LRRC37A2: variants seen among roughly 807,000 people sequenced by gnomAD.
LRRC37A2 encodes the protein leucine-rich repeat-containing protein 37A2.
In LRRC37A2, 9 loss-of-function variants were observed where a neutral mutation model predicts 68.8. That is an observed-to-expected ratio of 0.13 (90% confidence interval 0.08 to 0.23). The LOEUF (loss-of-function observed/expected upper bound fraction) is 0.23, where lower values mean the gene tolerates loss of function less well. Ranked by LOEUF, LRRC37A2 falls within the 10% of genes least tolerant of loss-of-function variation. LRRC37A2 has a pLI of 1.00. For synonymous variants in LRRC37A2, 63 were observed against 367.6 expected (o/e 0.17, Z 9.48); for missense variants, 168 against 950.4 (o/e 0.18, Z 10.82).
At chr17:46,737,996 G>A in the LRRC37A2 span, among the ~76,000 whole-genome samples, 1 of 151,658 alleles carries the variant, frequency 6.6e-6, no homozygotes, top group African/African-American at 2.4e-5. Context: ...GTGCAGTGAC[G>A]CAGTCTCAAT....
chr17:46,589,340 ATTTT>A, the LRRC37A2 span, among the ~76,000 whole-genome samples: 5,134 of 77,076 alleles, frequency 0.067, 130 homozygotes, highest in East Asian at 0.35. Flanking sequence ...ATAGGCGTGA[ATTTT>A]TTTTTTTTTT....
At chr17:46,743,173 C>T in the LRRC37A2 span, among the ~76,000 whole-genome samples, 1 of 152,162 alleles carries the variant, frequency 6.6e-6, no homozygotes, top group Non-Finnish European at 1.5e-5. Flanking sequence ...GAGCTCTCAT[C>T]TTCCCTAACC....
the LRRC37A2 span, among the ~76,000 whole-genome samples, chr17:47,025,672 C>T: frequency 1.4e-5 from 2 of 141,670 alleles, no homozygotes; most frequent in Non-Finnish European, 3.0e-5. Flanking sequence ...ATGTTCATTG[C>T]TATGAATGCT....
At chr17:46,978,320 A>G in the LRRC37A2 span, 6 of 360,054 alleles carry the variant, frequency 1.7e-5, no homozygotes, top group African/African-American at 1.1e-4. Context: ...CTCCCACGCG[A>G]GCGACCGCAG....
At chr17:46,885,031 C>T in the LRRC37A2 span, 1 of 437,888 alleles carries the variant, frequency 2.3e-6, no homozygotes, top group Non-Finnish European at 4.5e-6. Context: ...TCTTGTTGCG[C>T]AGGTTGGAGT....
chr17:46,835,722 T>G, the LRRC37A2 span, among the ~76,000 whole-genome samples: 2 of 152,358 alleles, frequency 1.3e-5, no homozygotes, highest in African/African-American at 4.8e-5. Flanking sequence ...AGGGATGAGT[T>G]GTTAAGGGTT....
At chr17:46,715,000 A>T in the LRRC37A2 span, among the ~76,000 whole-genome samples, 1 of 152,250 alleles carries the variant, frequency 6.6e-6, no homozygotes, top group South Asian at 2.1e-4. Context: ...ACTGAAGAAG[A>T]GAAATAGATT....
the LRRC37A2 span, among the ~76,000 whole-genome samples, chr17:46,806,016 C>A: frequency 6.6e-6 from 1 of 152,048 alleles, no homozygotes; most frequent in East Asian, 1.9e-4. Flanking sequence ...GAGTCTCTGC[C>A]TCCTGGGGTT....
chr17:46,963,345 G>T, the LRRC37A2 span, among the ~76,000 whole-genome samples: 3 of 152,182 alleles, frequency 2.0e-5, no homozygotes, highest in Non-Finnish European at 4.4e-5. Flanking sequence ...AAGAGTTTGA[G>T]ACCAGCCTGA....
chr17:46,771,544 C>T, the LRRC37A2 span, among the ~76,000 whole-genome samples: 1 of 148,892 alleles, frequency 6.7e-6, no homozygotes. Flanking sequence ...CGCTGACAGC[C>T]CCGCTGTGCC....
the LRRC37A2 span, among the ~76,000 whole-genome samples, chr17:46,800,555 G>C: frequency 1.3e-5 from 2 of 152,202 alleles, no homozygotes; most frequent in Non-Finnish European, 2.9e-5. Flanking sequence ...CACATGAAGA[G>C]GTATCTGAGA....
At chr17:46,902,800 A>G in the LRRC37A2 span, among the ~76,000 whole-genome samples, 1 of 152,128 alleles carries the variant, frequency 6.6e-6, no homozygotes, top group East Asian at 1.9e-4. Context: ...TTGATCAGAT[A>G]CCCGTTCTCC....
the LRRC37A2 span, chr17:46,755,381 C>T: frequency 5.0e-6 from 8 of 1,608,850 alleles, no homozygotes; most frequent in Non-Finnish European, 6.8e-6. Context: ...TAAGTACATA[C>T]AACATTTAAT....
At chr17:46,928,822 A>C in the LRRC37A2 span, among the ~76,000 whole-genome samples, 3 of 151,840 alleles carry the variant, frequency 2.0e-5, no homozygotes, top group African/African-American at 7.3e-5. Context: ...ATTTTCTTCT[A>C]TCTTCCTTCA....
chr17:46,935,654 T>C, the LRRC37A2 span: 1 of 999,684 alleles, frequency 1.0e-6, no homozygotes, highest in Non-Finnish European at 1.2e-6. Context: ...TTGTTTGCAG[T>C]AGATTAGAGC....
the LRRC37A2 span, among the ~76,000 whole-genome samples, chr17:46,847,967 A>AGGGT: frequency 6.0e-5 from 9 of 149,702 alleles, no homozygotes; most frequent in Non-Finnish European, 1.2e-4. Context: ...TGATTTCCAA[A>AGGGT]GTGTGTGTGT....
the LRRC37A2 span, among the ~76,000 whole-genome samples, chr17:46,610,033 C>CTG: frequency 1.1e-5 from 1 of 91,124 alleles, no homozygotes; most frequent in African/African-American, 3.7e-5. Context: ...TTCTTTCTCT[C>CTG]TCTCTCTCTC....
the LRRC37A2 span, among the ~76,000 whole-genome samples, chr17:46,956,116 T>A: frequency 2.0e-5 from 3 of 151,570 alleles, no homozygotes; most frequent in Admixed American, 6.6e-5. Flanking sequence ...AGCAGGAGGG[T>A]CCATCTTAAC....
At chr17:46,934,906 C>T in the LRRC37A2 span, 15 of 854,080 alleles carry the variant, frequency 1.8e-5, no homozygotes, top group South Asian at 5.5e-5. Flanking sequence ...CATTAGGGTC[C>T]GCTGATTCTT....
Sources: allele counts gnomAD v4.1 joint callset (sites outside exome capture counted in the v4.1 genomes callset), GRCh38; gene constraint gnomAD v4.1.1; transcripts MANE v1.5; gene names NCBI Gene and HGNC (gene_info 2026-07-23, HGNC 2026-07-21).